Variants in FRMD4B observed in about 807,000 individuals in gnomAD.
FRMD4B encodes the protein FERM domain-containing protein 4B.
In FRMD4B, 74 loss-of-function variants were observed where a neutral mutation model predicts 141.5. That is an observed-to-expected ratio of 0.52 (90% CI 0.43 to 0.63). The LOEUF is 0.63. FRMD4B is among the 30% of genes least tolerant of loss of function. The pLI is 0.00. For synonymous variants in FRMD4B, 506 were observed against 467.9 expected (o/e 1.08, Z -1.05); for missense variants, 1,366 against 1,253.4 (o/e 1.09, Z -1.36).
At chr3:69,428,324 A>G (rs541178470) in intron 2 of FRMD4B, among the ~76,000 whole-genome samples, 22 of 150,258 alleles carry the variant, frequency 1.5e-4, no homozygotes, top group Admixed American at 1.3e-3. Flanking sequence ...GGAAATCACA[A>G]TATCTCCTAG....
At chr3:69,407,383 A>T (rs1002963895) in intron 2 of FRMD4B, among the ~76,000 whole-genome samples, 2 of 152,210 alleles carry the variant, frequency 1.3e-5, no homozygotes, top group Admixed American at 1.3e-4. Flanking sequence ...GATATCTCTC[A>T]CGGTGTCAGC....
intron 1 of FRMD4B, among the ~76,000 whole-genome samples, chr3:69,365,156 A>C (rs1703601470): frequency 6.6e-6 from 1 of 152,236 alleles, no homozygotes; most frequent in Non-Finnish European, 1.5e-5. Context: ...TATTTTAACT[A>C]TACAAGGAAA....
intron 9 of FRMD4B, among the ~76,000 whole-genome samples, chr3:69,221,543 G>A (rs1270899350): frequency 1.3e-5 from 2 of 152,114 alleles, no homozygotes; most frequent in East Asian, 3.9e-4. Flanking sequence ...GCAACATTAT[G>A]CCTGAATTCT....
chr3:69,308,056 A>T lies in FRMD4B; in HGVS notation c.323+3207T>A, dbSNP rs185254961. Among the ~76,000 whole-genome samples, 264 of 152,218 alleles carry T rather than the reference A, an allele frequency of 1.7e-3. 1 individual carries two copies. Among genetic ancestry groups the T allele is most frequent in the African/African-American group, 6.2e-3 (257 of 41,524 alleles). ...ATTTAAAGTCTACCTTACCTGCAAG[A>T]TCCAATTTTAGTTACTCGTCTGTGT... is the stretch of plus-strand genomic sequence containing the variant. On this transcript the variant is annotated intron_variant, in intron 3 of 22. Coordinates refer to ENST00000398540, the MANE Select transcript of FRMD4B (RefSeq NM_015123.3).
intron 1 of FRMD4B, among the ~76,000 whole-genome samples, chr3:69,521,106 C>T (rs1700847582): frequency 6.6e-6 from 1 of 152,246 alleles, no homozygotes; most frequent in African/African-American, 2.4e-5. Flanking sequence ...GTGCCTCTTA[C>T]CTAATCCTCT....
chr3:69,287,608 T>TG, intron 5 of FRMD4B, 144 bp downstream of exon 5: 1 of 623,144 alleles, frequency 1.6e-6, no homozygotes. Flanking sequence ...TGTGTGTAGT[T>TG]GGGGGGTAGG....
At chr3:69,201,288 C>T (rs910040777) in intron 11 of FRMD4B, among the ~76,000 whole-genome samples, 3 of 151,676 alleles carry the variant, frequency 2.0e-5, no homozygotes, top group African/African-American at 2.4e-5. Flanking sequence ...ATGGGGGGTA[C>T]GTTGTATAGA....
Position 69,287,803 on chromosome 3 carries a change from A to T in FRMD4B, c.450T>A (p.Asp150Glu), listed in dbSNP as rs759666832. The change falls in exon 5 of 23, where the codon GAT (aspartate) becomes GAA (glutamate). Residue 150 changes from aspartate (D) to glutamate (E), a missense_variant. By Grantham distance (45) the Asp-to-Glu change is conservative. Transcript: ENST00000398540. ...FYIESISFLKDKTTVELFFLN... is the reference protein window; with the variant it reads ...FYIESISFLKEKTTVELFFLN... ...GGAAAAACAGCTCCACGGTGGTTTT[A>T]TCCTTTAAAAACGATATGCTCTCAA... 2 of 1,598,694 alleles carry T rather than the reference A, an allele frequency of 1.3e-6. No homozygotes were observed. Among genetic ancestry groups the T allele is most frequent in the Non-Finnish European group, 1.7e-6 (2 of 1,168,736 alleles).
At chr3:69,271,054 T>C (rs2093592238) in intron 5 of FRMD4B, among the ~76,000 whole-genome samples, 5 of 152,338 alleles carry the variant, frequency 3.3e-5, no homozygotes, top group Admixed American at 2.6e-4. Flanking sequence ...CGTAGTATTT[T>C]TATATGACTT....
At chr3:69,182,564 G>C in intron 20 of FRMD4B, 34 bp downstream of exon 20, 4 of 1,560,890 alleles carry the variant, frequency 2.6e-6, no homozygotes, top group Non-Finnish European at 3.5e-6. Context: ...CAAAAATCAA[G>C]ACAGCTAAAG....
At chr3:69,335,644 T>C (rs528071979) in intron 1 of FRMD4B, among the ~76,000 whole-genome samples, 1 of 152,040 alleles carries the variant, frequency 6.6e-6, no homozygotes, top group African/African-American at 2.4e-5. Context: ...GGAGCCTCTC[T>C]AGACAATTTT....
At chr3:69,236,676 A>G (rs2093347701) in intron 7 of FRMD4B, among the ~76,000 whole-genome samples, 2 of 152,198 alleles carry the variant, frequency 1.3e-5, no homozygotes, top group South Asian at 4.1e-4. Flanking sequence ...CACACAAGGT[A>G]TTCCTGAAGC....
At chr3:69,230,548 C>A (rs1441428098) in intron 7 of FRMD4B, among the ~76,000 whole-genome samples, 1 of 151,640 alleles carries the variant, frequency 6.6e-6, no homozygotes, top group African/African-American at 2.4e-5. Context: ...GAGTTTGAGA[C>A]CAGTCTGACC....
At position 69,183,258 on chromosome 3, in the gene FRMD4B, T is replaced by G. The variant is rs77743229; in HGVS notation, c.1920-541A>C. On this transcript the variant is annotated intron_variant, in intron 19 of 22. Transcript: ENST00000398540. The stretch of plus-strand genomic sequence containing the variant: ...TGACCTATGGATGCTAAATTTCATA[T>G]CATTTTTACAGGTTGTAAAATATTA... 7.4e-3 allele frequency among the ~76,000 whole-genome samples: 1,123 copies of G among 152,266 alleles called. 14 individuals are homozygous for G. Among genetic ancestry groups the G allele is most frequent in the African/African-American group, 0.026 (1,068 of 41,558 alleles).
chr3:69,193,912 A>G (rs2092869555), intron 16 of FRMD4B, 39 bp from the exon 17 acceptor site: 1 of 1,276,030 alleles, frequency 7.8e-7, no homozygotes, highest in African/African-American at 1.5e-5. Flanking sequence ...TTATGGACAC[A>G]TACAATCAAC....
At chr3:69,514,284 G>A (rs1231780763) in intron 1 of FRMD4B, among the ~76,000 whole-genome samples, 1 of 151,892 alleles carries the variant, frequency 6.6e-6, no homozygotes, top group Non-Finnish European at 1.5e-5. Context: ...AGGAAATTAG[G>A]GAAACAATTT....
At chr3:69,185,862 T>G (rs12172924) in intron 19 of FRMD4B, among the ~76,000 whole-genome samples, 8 of 151,732 alleles carry the variant, frequency 5.3e-5, no homozygotes, top group African/African-American at 1.9e-4. Context: ...ACCAACATGG[T>G]GAAACTCTAT....
At chr3:69,220,966 C>CT (rs113009670) in intron 9 of FRMD4B, among the ~76,000 whole-genome samples, 19,373 of 145,080 alleles carry the variant, frequency 0.13, 1,483 homozygotes, top group African/African-American at 0.22. Flanking sequence ...AGTGTAGCAA[C>CT]TTTTTTTTTT....
intron 1 of FRMD4B, among the ~76,000 whole-genome samples, chr3:69,326,358 T>C (rs1702191807): frequency 6.6e-6 from 1 of 152,266 alleles, no homozygotes; most frequent in East Asian, 1.9e-4. Context: ...TGGGGATTCA[T>C]TCAATCTGAT....
Sources: gnomAD v4.1 joint callset for allele counts (sites outside exome capture counted in the v4.1 genomes callset) on GRCh38, gnomAD v4.1.1 for gene constraint, MANE v1.5 for transcripts, NCBI Gene and HGNC (gene_info 2026-07-23, HGNC 2026-07-21) for gene names.